The following ZNF628 variants were observed in gnomAD, a reference collection of about 807,000 sequenced individuals.
The protein encoded by ZNF628 is zinc finger protein Zec.
ZNF628 carries 3 observed loss-of-function variants against 2.5 expected under a neutral mutation model. That is an observed-to-expected ratio of 1.19 (90% confidence interval 0.54 to 3.07). The LOEUF (loss-of-function observed/expected upper bound fraction) is 3.07. Ranked by LOEUF, ZNF628 falls within the 30% of genes most tolerant of loss-of-function variation. ZNF628 has a pLI of 0.03. For synonymous variants in ZNF628, 861 were observed against 717.1 expected, an observed-to-expected ratio of 1.20 and a Z score of -3.21; for missense variants, 1,610 against 1,517.1, an observed-to-expected ratio of 1.06 and a Z score of -1.02.
At position 55,483,755 on chromosome 19, in the gene ZNF628, C is replaced by T. The variant is rs894115463; in HGVS notation, c.2562C>T (p.Val854=). Residue 854 remains valine, a synonymous_variant, in exon 3 of 3, where the codon GTC becomes GTT. Coordinates refer to ENST00000598519, the MANE Select transcript of ZNF628 (RefSeq NM_033113.3). ...AGCCAGCACAGGAAGTAACCACGGT[C>T]CAGCTCCAGCCAGCACAGGAGGTGA... ...QLQPAQEVTT[V]QLQPAQEVTT... 1.2e-6 allele frequency: 2 copies of T among 1,613,388 alleles called. No individual in the cohort carries two copies. The highest frequency in any genetic ancestry group is 2.2e-5 in the East Asian group (1 of 44,882).
Position 55,481,677 on chromosome 19 carries a change from A to T in ZNF628, c.484A>T (p.Ser162Cys). 6.2e-7 allele frequency: 1 copy of T among 1,611,502 alleles called. No individual in the cohort carries two copies. The highest frequency in any genetic ancestry group is 2.2e-5 in the East Asian group (1 of 44,702). ...DCPKAFKNSS[S>C]LRRHRHVHTG... is the part of the protein sequence containing the mutation. ...CCCCAAGGCCTTCAAGAACTCGTCC[A>T]GCCTGCGGCGCCACCGCCACGTGCA... The change falls in exon 3 of 3, where the codon AGC (serine) becomes TGC (cysteine). Residue 162 changes from serine (S) to cysteine (C), a missense_variant. Physicochemically the swap from Ser to Cys is moderately radical, Grantham distance 112. Around this residue, in one of 5 missense-constraint regions of ZNF628, gnomAD observed 166 missense variants for 241.3 expected, o/e 0.69. Coordinates refer to ENST00000598519, the MANE Select transcript of ZNF628 (RefSeq NM_033113.3).
At chr19:55,478,477 G>A (rs1364891663) in intron 1 of ZNF628, among the ~76,000 whole-genome samples, 1 of 152,220 alleles carries the variant, frequency 6.6e-6, no homozygotes, top group Non-Finnish European at 1.5e-5. Flanking sequence ...ACCAGGGGCA[G>A]GTGGCCAGTG....
intron 1 of ZNF628, among the ~76,000 whole-genome samples, 172 bp downstream of exon 1, chr19:55,476,979 G>A (rs1319613712): frequency 6.6e-6 from 1 of 152,202 alleles, no homozygotes; most frequent in African/African-American, 2.4e-5. Flanking sequence ...AAGGGCAAGG[G>A]GCCACATTGA....
In ZNF628 at chr19:55,481,613, G is replaced by A. The variant is rs1270597135; in HGVS notation, c.420G>A (p.Arg140=). ...KWSSHYQYHL[R]QHTGERPYPC... Reference sequence around the variant, plus strand: ...CGTCCCACTACCAGTACCACTTAAGGCAGCACACAGGCGAGCGCCCCTACC... The same window carrying A: ...CGTCCCACTACCAGTACCACTTAAGACAGCACACAGGCGAGCGCCCCTACC... The change falls in exon 3 of 3, where the codon AGG becomes AGA. Residue 140 remains arginine (R), a synonymous_variant. Transcript: ENST00000598519. 1.2e-6 allele frequency: 2 copies of A among 1,605,124 alleles called. No individual in the cohort carries two copies. The highest frequency in any genetic ancestry group is 3.4e-5 in the Admixed American group (2 of 59,400).
chr19:55,482,144 C>A lies in ZNF628; in HGVS notation c.951C>A (p.Pro317=). Residue 317 remains proline, a synonymous_variant, in exon 3 of 3, where the codon CCC becomes CCA. Coordinates refer to ENST00000598519, the MANE Select transcript of ZNF628 (RefSeq NM_033113.3). ...EELLLEHQPC[P]GPDAAPQPQE... is the part of the protein sequence containing the mutation. ...TGCTCCTGGAGCACCAGCCGTGCCC[C>A]GGGCCCGATGCGGCGCCCCAGCCCC... is the stretch of plus-strand genomic sequence containing the variant. 3 of 1,502,404 alleles carry A rather than the reference C, an allele frequency of 2.0e-6. No individual in the cohort carries two copies. The highest frequency in any genetic ancestry group is 2.7e-6 in the Non-Finnish European group (3 of 1,129,358). 93.1% of individuals were successfully genotyped at this position (1,502,404 alleles called of 1,614,324 possible).
In ZNF628 at chr19:55,479,108, C is replaced by T. The variant is rs890391449; in HGVS notation, c.-77-726C>T. 2.6e-5 allele frequency among the ~76,000 whole-genome samples: 4 copies of T among 152,030 alleles called. No individual in the cohort carries two copies. Among genetic ancestry groups the T allele is most frequent in the Admixed American group, 2.0e-4 (3 of 15,264 alleles). On this transcript the variant is annotated intron_variant, in intron 1 of 2. Coordinates refer to ENST00000598519, the MANE Select transcript of ZNF628 (RefSeq NM_033113.3). This position sits in a 1 kb window ranked among gnomAD's most constrained non-coding sequence, Gnocchi z 5.1. ...GGACAGACAGAGGACAAAGTGGTGC[C>T]GGAGCCCCGGGCGCTCCCACATCTA...
rs1294425461 is a variant in ZNF628, at chr19:55,483,417, C to T, written c.2224C>T (p.Leu742Phe). 1 of 1,522,944 alleles carries T rather than the reference C, an allele frequency of 6.6e-7. No homozygotes were observed. Among genetic ancestry groups the T allele is most frequent in the South Asian group, 1.2e-5 (1 of 80,146 alleles). The allele number at this position is 1,522,944 out of a possible 1,614,324, so 94.3% of individuals were successfully genotyped here. A position where few individuals can be genotyped will look rare whatever the true frequency, so the allele number is the denominator to read the frequency against. ...TCCGCCCCCTCCCGCACCTCCCAAG[C>T]TCATCCTGCTGCCCTCCTCCAGTGC... ...TPPPPPAPPK[L>F]ILLPSSSAGA... Residue 742 changes from leucine to phenylalanine, a missense_variant, in exon 3 of 3, where the codon CTC (leucine) becomes TTC (phenylalanine). Physicochemically the swap from Leu to Phe is conservative, Grantham distance 22. Around this residue, in one of 5 missense-constraint regions of ZNF628, gnomAD observed 712 missense variants for 603.6 expected, o/e 1.18. Coordinates refer to ENST00000598519, the MANE Select transcript of ZNF628 (RefSeq NM_033113.3).
chr19:55,482,302 G>C lies in ZNF628; in HGVS notation c.1109G>C (p.Gly370Ala). ...PCGKSFRTVAGLSRHQHSHGA... is the reference protein window; with the variant it reads ...PCGKSFRTVAALSRHQHSHGA... The stretch of plus-strand genomic sequence containing the variant: ...GGCAAGTCCTTCCGGACGGTGGCTG[G>C]GCTCTCCCGCCACCAGCACAGCCAC... Residue 370 changes from glycine to alanine, a missense_variant, in exon 3 of 3, where the codon GGG (glycine) becomes GCG (alanine). Transcript: ENST00000598519. The C allele has an allele frequency of 6.8e-7, 1 of 1,469,750 alleles. No individual in the cohort carries two copies. Among genetic ancestry groups the C allele is most frequent in the Non-Finnish European group, 9.0e-7 (1 of 1,116,622 alleles). 91.0% of individuals were successfully genotyped at this position (1,469,750 alleles called of 1,614,324 possible).
In ZNF628 at chr19:55,483,676, AAGT is replaced by A. The variant is rs1162252713; in HGVS notation, c.2485_2487del (p.Val829del). 8 of 1,613,424 alleles carry A rather than the reference AAGT, an allele frequency of 5.0e-6. No homozygotes were observed. Among genetic ancestry groups the A allele is most frequent in the African/African-American group, 2.7e-5 (2 of 74,752 alleles). On this transcript the variant is annotated inframe_deletion, in exon 3 of 3. Transcript: ENST00000598519. ...CTCCAGCCCCTCCGACCAGCCCCAG[AAGT>A]AACCACGGTCCAGCTCCAGCCAGCG...
chr19:55,482,187 G>A lies in ZNF628; in HGVS notation c.994G>A (p.Ala332Thr). Reference protein sequence around the residue: ...APQPQEAPAEAPKADQPPSPL... With the variant: ...APQPQEAPAETPKADQPPSPL... ...CCAGCCCCAGGAGGCACCCGCCGAG[G>A]CGCCCAAGGCCGACCAGCCACCGTC... The change falls in exon 3 of 3, where the codon GCG becomes ACG. Residue 332 changes from alanine (A) to threonine (T), a missense_variant. By Grantham distance (58) the Ala-to-Thr change is moderately conservative. Transcript: ENST00000598519. 2.0e-6 allele frequency: 3 copies of A among 1,490,116 alleles called. No individual in the cohort carries two copies. Among genetic ancestry groups the A allele is most frequent in the Non-Finnish European group, 2.7e-6 (3 of 1,125,576 alleles). The allele number at this position is 1,490,116 out of a possible 1,614,324, so 92.3% of individuals were successfully genotyped here.
Position 55,482,564 on chromosome 19 carries a change from C to T in ZNF628, c.1371C>T (p.Ala457=), listed in dbSNP as rs765174925. 9 of 1,592,160 alleles carry T rather than the reference C, an allele frequency of 5.7e-6. No individual in the cohort carries two copies. The South Asian group carries it at 7.8e-5, about 14-fold the overall frequency. Residue 457 remains alanine, a synonymous_variant, in exon 3 of 3, where the codon GCC becomes GCT. Coordinates refer to ENST00000598519, the MANE Select transcript of ZNF628 (RefSeq NM_033113.3). ...CTGCGGAGCGGCCCTACAAATGTGC[C>T]GAGTGCGGCAAGTCCTTCAAGGGCT... ...PASAERPYKC[A]ECGKSFKGSS... is the part of the protein sequence containing the mutation.
chr19:55,477,985 G>A (rs1260099898), intron 1 of ZNF628, among the ~76,000 whole-genome samples: 5 of 152,306 alleles, frequency 3.3e-5, no homozygotes, highest in Middle Eastern at 3.4e-3. Context: ...TGGTTATATA[G>A]TAGCGGTTCT....
chr19:55,477,504 G>A (rs1333317394), intron 1 of ZNF628, among the ~76,000 whole-genome samples: 2 of 152,184 alleles, frequency 1.3e-5, no homozygotes, highest in East Asian at 1.9e-4. Flanking sequence ...GCTCACGCCT[G>A]TAATCCCAGC....
Position 55,481,234 on chromosome 19 carries a change from C to G in ZNF628, c.41C>G (p.Pro14Arg), listed in dbSNP as rs745632371. Residue 14 changes from proline (P) to arginine (R), a missense_variant, in exon 3 of 3, where the codon CCG becomes CGG. Coordinates refer to ENST00000598519, the MANE Select transcript of ZNF628 (RefSeq NM_033113.3). ...GTCGGCTCCCACGCGGACATGGCGC[C>G]GGCCTCTACTGCGGAGGGGGCCGGG... The part of the protein sequence containing the change: ...VMVGSHADMA[P>R]ASTAEGAGEK... 3.2e-6 allele frequency: 5 copies of G among 1,572,894 alleles called. No homozygotes were observed. Among genetic ancestry groups the G allele is most frequent in the Admixed American group, 1.9e-5 (1 of 54,008 alleles).
chr19:55,481,959 C>A lies in ZNF628; in HGVS notation c.766C>A (p.Leu256Met), dbSNP rs1472091136. Residue 256 changes from leucine (L) to methionine (M), a missense_variant, in exon 3 of 3, where the codon CTG (leucine) becomes ATG (methionine). By Grantham distance (15) the Leu-to-Met change is conservative. Transcript: ENST00000598519. ...PGKVFVCDAY[L>M]QRHLQPHSPP... ...CAAGGTCTTCGTGTGCGACGCCTAC[C>A]TGCAGCGGCACCTCCAGCCCCACAG... 2 of 1,467,772 alleles carry A rather than the reference C, an allele frequency of 1.4e-6. No homozygotes were observed. The highest frequency in any genetic ancestry group is 1.8e-6 in the Non-Finnish European group (2 of 1,116,664). 90.9% of individuals were successfully genotyped at this position (1,467,772 alleles called of 1,614,324 possible).
rs1466467972 is a variant in ZNF628, at chr19:55,479,268, C to T, written c.-77-566C>T. On this transcript the variant is annotated intron_variant, in intron 1 of 2. Transcript: ENST00000598519. The surrounding 1 kb of genome is among the most constrained non-coding windows in gnomAD (Gnocchi z 5.1). ...GGACCCAGTGACAAGTGGGCCATTG[C>T]GGGCCACGCGCCGCCCAGGCCATGG... Among the ~76,000 whole-genome samples, 4 of 152,252 alleles carry T rather than the reference C, an allele frequency of 2.6e-5. No homozygotes were observed. Among genetic ancestry groups the T allele is most frequent in the African/African-American group, 4.8e-5 (2 of 41,546 alleles).
intron 1 of ZNF628, among the ~76,000 whole-genome samples, chr19:55,477,823 T>A (rs1182765066): frequency 6.6e-6 from 1 of 152,020 alleles, no homozygotes; most frequent in Non-Finnish European, 1.5e-5. Flanking sequence ...TGCCTAGCCT[T>A]CATTCATTTA....
At position 55,479,739 on chromosome 19, in the gene ZNF628, C is replaced by T. The variant is rs139973025; in HGVS notation, c.-77-95C>T. ...TGCCTCCAGGCATTGCGGGATGTCC[C>T]CTGGGTTGAAGGCACAGTTTGTCCC... is the stretch of plus-strand genomic sequence containing the variant. On this transcript the variant is annotated intron_variant, in intron 1 of 2. Transcript: ENST00000598519. The surrounding 1 kb of genome is among the most constrained non-coding windows in gnomAD (Gnocchi z 5.1). 2,384 of 391,022 alleles carry T rather than the reference C, an allele frequency of 6.1e-3. 63 individuals are homozygous for T. The highest frequency in any genetic ancestry group is 0.059 in the Admixed American group (1,324 of 22,440). 24.2% of individuals were successfully genotyped at this position (391,022 alleles called of 1,614,324 possible). A position where few individuals can be genotyped will look rare whatever the true frequency, so the allele number is the denominator to read the frequency against.
In ZNF628 at chr19:55,481,487, C is replaced by T. The variant is rs762473760; in HGVS notation, c.294C>T (p.Pro98=). 1.2e-6 allele frequency: 2 copies of T among 1,612,560 alleles called. No individual in the cohort carries two copies. Among genetic ancestry groups the T allele is most frequent in the South Asian group, 2.2e-5 (2 of 91,056 alleles). The stretch of plus-strand genomic sequence containing the variant: ...GGCCCTACCAGTGCCCCGACTGTCC[C>T]AAGGCCTTCAAGCGCTCCTCTCTGC... ...GERPYQCPDC[P]KAFKRSSLLQ... is the part of the protein sequence containing the mutation. The change falls in exon 3 of 3, where the codon CCC becomes CCT. Residue 98 remains proline (P), a synonymous_variant. Transcript: ENST00000598519.
Sources: allele counts gnomAD v4.1 joint callset (sites outside exome capture counted in the v4.1 genomes callset), GRCh38; gene constraint gnomAD v4.1.1; regional missense constraint gnomAD v4.1.1; non-coding constraint Gnocchi (gnomAD v3.1); transcripts MANE v1.5; gene names NCBI Gene and HGNC (gene_info 2026-07-23, HGNC 2026-07-21).